CD86: variants seen among roughly 807,000 people sequenced by gnomAD.
CD86 encodes the protein T-lymphocyte activation antigen CD86.
CD86 carries 11 observed loss-of-function variants against 32.1 expected under a neutral mutation model. The observed-to-expected ratio is 0.34, with a 90% CI of 0.22 to 0.57. The LOEUF is 0.57. Among genes scored for constraint, CD86 ranks in the 20% least tolerant of loss-of-function variants. CD86 has a pLI of 0.86. For synonymous variants in CD86, 137 were observed against 135.3 expected (o/e 1.01, Z -0.09); for missense variants, 359 against 398.4 (o/e 0.90, Z 0.84).
chr3:122,083,447 A>G (rs75032946), intron 1 of CD86, among the ~76,000 whole-genome samples: 5,727 of 152,158 alleles, frequency 0.038, 138 homozygotes, highest in African/African-American at 0.07. Context: ...CCCTTTGCCG[A>G]GAACTCTTCC....
chr3:122,058,834 A>G (rs2072281571), intron 1 of CD86, among the ~76,000 whole-genome samples: 1 of 152,164 alleles, frequency 6.6e-6, no homozygotes, highest in South Asian at 2.1e-4. Flanking sequence ...TATTGGAGTA[A>G]GCCAAGGAGA....
intron 1 of CD86, among the ~76,000 whole-genome samples, chr3:122,071,737 T>C (rs532668200): frequency 5.7e-4 from 86 of 152,150 alleles, no homozygotes; most frequent in African/African-American, 2.0e-3. Flanking sequence ...TATTTTTTTT[T>C]TATTATACTT....
intron 3 of CD86, among the ~76,000 whole-genome samples, chr3:122,105,710 AC>A (rs2073079624): frequency 6.6e-6 from 1 of 152,108 alleles, no homozygotes; most frequent in Admixed American, 6.6e-5. Context: ...CCACTCACTT[AC>A]CACAATCCTG....
intron 1 of CD86, among the ~76,000 whole-genome samples, chr3:122,057,396 G>A (rs1406747619): frequency 6.6e-6 from 1 of 152,162 alleles, no homozygotes; most frequent in Middle Eastern, 3.2e-3. Flanking sequence ...ATCCATAATG[G>A]AATACCATGT....
intron 2 of CD86, among the ~76,000 whole-genome samples, chr3:122,095,171 A>ATT (rs4048621): frequency 1.5e-5 from 2 of 130,942 alleles, no homozygotes; most frequent in African/African-American, 2.8e-5. Flanking sequence ...TCACTTTAAG[A>ATT]TTTTTTTTTT....
intron 2 of CD86, among the ~76,000 whole-genome samples, chr3:122,102,406 C>CATTTTTTTTTTTTTTTTTTTTTTTT (rs1291013515): frequency 1.8e-5 from 1 of 56,134 alleles, no homozygotes; most frequent in African/African-American, 8.3e-5. Flanking sequence ...CCACTGCTTA[C>CATTTTTTTTTTTTTTTTTTTTTTTT]TTTTTTTTTT....
In CD86 at chr3:122,103,430, T is replaced by C. The variant is rs2073041110; in HGVS notation, c.65-82T>C. ...GCATGATTACTGATAAGATAGTATC[T>C]GGGTATTGTATAAAGAGAAATGGAG... On this transcript the variant is annotated intron_variant, in intron 2 of 6. Coordinates refer to ENST00000330540, the MANE Select transcript of CD86 (RefSeq NM_175862.5). 4.8e-6 allele frequency: 4 copies of C among 830,152 alleles called. No homozygotes were observed. In the Admixed American group the frequency reaches 7.6e-5, roughly 16 times the overall value. 51.4% of individuals were successfully genotyped at this position (830,152 alleles called of 1,614,324 possible). A position where few individuals can be genotyped will look rare whatever the true frequency, so the allele number is the denominator to read the frequency against.
intron 2 of CD86, among the ~76,000 whole-genome samples, chr3:122,103,186 C>T (rs1005826157): frequency 8.5e-6 from 1 of 117,390 alleles, no homozygotes; most frequent in African/African-American, 3.3e-5. Context: ...CTGGTTTTTC[C>T]CTGTCTTGCA....
chr3:122,103,149 G>A (rs1216820664), intron 2 of CD86, among the ~76,000 whole-genome samples: 1 of 148,598 alleles, frequency 6.7e-6, no homozygotes, highest in Non-Finnish European at 1.5e-5. Context: ...GAAGGTAACT[G>A]GTGGGTGAAT....
intron 1 of CD86, among the ~76,000 whole-genome samples, chr3:122,086,054 C>G (rs1393490106): frequency 6.6e-6 from 1 of 152,192 alleles, no homozygotes; most frequent in Non-Finnish European, 1.5e-5. Flanking sequence ...ACCTTCCACA[C>G]TGGCCCTGGA....
intron 1 of CD86, among the ~76,000 whole-genome samples, chr3:122,071,546 A>T (rs2072488732): frequency 6.6e-6 from 1 of 152,204 alleles, no homozygotes; most frequent in Admixed American, 6.5e-5. Context: ...GTTGCTAATT[A>T]TGAATAAAGT....
chr3:122,114,673 G>T (rs1278655313), intron 5 of CD86, among the ~76,000 whole-genome samples: 6 of 152,128 alleles, frequency 3.9e-5, no homozygotes, highest in African/African-American at 1.4e-4. Flanking sequence ...ATCAAGTGGG[G>T]TTTATTCAAG....
intron 1 of CD86, among the ~76,000 whole-genome samples, chr3:122,089,326 T>C (rs1043073947): frequency 2.0e-5 from 3 of 152,224 alleles, no homozygotes; most frequent in African/African-American, 7.2e-5. Flanking sequence ...ATTTTATGTG[T>C]ATTATGCCAC....
chr3:122,108,717 T>C (rs1195062043), intron 4 of CD86, among the ~76,000 whole-genome samples: 1 of 152,160 alleles, frequency 6.6e-6, no homozygotes, highest in Non-Finnish European at 1.5e-5. Flanking sequence ...CTGAAAGCCA[T>C]GCAGAGGAAA....
intron 5 of CD86, among the ~76,000 whole-genome samples, chr3:122,111,313 A>T (rs987316373): frequency 5.3e-5 from 8 of 152,096 alleles, no homozygotes; most frequent in African/African-American, 1.7e-4. Context: ...CTTTGTGGGT[A>T]CTCCTGGCAT....
intron 1 of CD86, among the ~76,000 whole-genome samples, chr3:122,087,934 C>T (rs189889496): frequency 1.2e-4 from 19 of 152,294 alleles, no homozygotes; most frequent in African/African-American, 4.1e-4. Flanking sequence ...GTCAGTGCTT[C>T]TCCCCACTGT....
intron 2 of CD86, among the ~76,000 whole-genome samples, chr3:122,097,702 G>A (rs2072929604): frequency 6.6e-6 from 1 of 152,180 alleles, no homozygotes; most frequent in Non-Finnish European, 1.5e-5. Context: ...AAAGTACAAA[G>A]TACTGAGTTA....
intron 1 of CD86, among the ~76,000 whole-genome samples, chr3:122,062,422 C>A (rs1327911270): frequency 1.3e-5 from 2 of 152,036 alleles, no homozygotes; most frequent in African/African-American, 2.4e-5. Flanking sequence ...CATCTTTGTT[C>A]CAGGCACTGT....
At chr3:122,110,623 G>A (rs1225622977) in intron 5 of CD86, among the ~76,000 whole-genome samples, 2 of 152,162 alleles carry the variant, frequency 1.3e-5, no homozygotes, top group Non-Finnish European at 2.9e-5. Context: ...GGGGAGCAAC[G>A]ATCGAATTTA....
Sources: gnomAD v4.1 joint callset for allele counts (sites outside exome capture counted in the v4.1 genomes callset) on GRCh38, gnomAD v4.1.1 for gene constraint, MANE v1.5 for transcripts, NCBI Gene and HGNC (gene_info 2026-07-23, HGNC 2026-07-21) for gene names.